The following EP300 variants were observed in gnomAD, a reference collection of about 807,000 sequenced individuals.
The protein encoded by EP300 is EP300 lysine acetyltransferase, also known as histone acetyltransferase p300.
Under a neutral mutation model 264.0 loss-of-function variants are expected in EP300, and 31 were observed. That is an observed-to-expected ratio of 0.12 (90% CI 0.09 to 0.16). The LOEUF (loss-of-function observed/expected upper bound fraction) is 0.16. Ranked by LOEUF, EP300 falls within the 10% of genes least tolerant of loss-of-function variation. EP300 has a pLI of 1.00. For missense variants in EP300, 2,766 were observed against 3,052.9 expected (o/e 0.91, Z 2.21); for synonymous variants, 1,340 against 1,045.4 (o/e 1.28, Z -5.44).
chr22:41,142,754 C>T (rs533181998), intron 10 of EP300, among the ~76,000 whole-genome samples: 1 of 152,062 alleles, frequency 6.6e-6, no homozygotes, highest in African/African-American at 2.4e-5. Context: ...GGCATGGTGG[C>T]GGGCACCTGT....
Position 41,178,225 on chromosome 22 carries a change from C to T in EP300, c.6514C>T (p.His2172Tyr). 1 of 1,614,068 alleles carries T rather than the reference C, an allele frequency of 6.2e-7. No homozygotes were observed. Among genetic ancestry groups the T allele is most frequent in the South Asian group, 1.1e-5 (1 of 91,078 alleles). ...SPQAQQMNMN[H>Y]NTMPSQFRDI... is the part of the protein sequence containing the mutation. Reference sequence around the variant, plus strand: ...CCAGGCTCAGCAGATGAACATGAACCACAACACCATGCCTTCACAATTCCG... The same window carrying T: ...CCAGGCTCAGCAGATGAACATGAACTACAACACCATGCCTTCACAATTCCG... The change falls in exon 31 of 31, where the codon CAC (histidine) becomes TAC (tyrosine). Residue 2172 changes from histidine (H) to tyrosine (Y), a missense_variant. Coordinates refer to ENST00000263253, the MANE Select transcript of EP300 (RefSeq NM_001429.4).
chr22:41,143,683 C>A (rs186416659), intron 10 of EP300, among the ~76,000 whole-genome samples: 3 of 152,040 alleles, frequency 2.0e-5, no homozygotes, highest in South Asian at 2.1e-4. Context: ...TCAGTTGATT[C>A]TTGTACCTCA....
chr22:41,163,588 A>T (rs898782794), intron 21 of EP300, among the ~76,000 whole-genome samples: 2 of 151,266 alleles, frequency 1.3e-5, no homozygotes, highest in African/African-American at 4.9e-5. Flanking sequence ...CTCTACTACA[A>T]ATATATAAAT....
At chr22:41,142,007 A>C (rs2058985422) in intron 10 of EP300, among the ~76,000 whole-genome samples, 1 of 152,174 alleles carries the variant, frequency 6.6e-6, no homozygotes, top group Non-Finnish European at 1.5e-5. Context: ...ACATTTTGAC[A>C]GCTTCAGTTT....
At chr22:41,118,857 G>A (rs1267168512) in intron 2 of EP300, among the ~76,000 whole-genome samples, 1 of 151,684 alleles carries the variant, frequency 6.6e-6, no homozygotes, top group Non-Finnish European at 1.5e-5. Flanking sequence ...GAAGACAGAT[G>A]GACAAACTTG....
intron 2 of EP300, among the ~76,000 whole-genome samples, chr22:41,118,590 C>T (rs1213483947): frequency 2.0e-5 from 3 of 152,158 alleles, no homozygotes; most frequent in African/African-American, 4.8e-5. Context: ...GAGATAGGTA[C>T]GATTTTCACA....
At position 41,176,107 on chromosome 22, in the gene EP300, C is replaced by T. The variant is rs867616568; in HGVS notation, c.4780-140C>T. 5.3e-6 allele frequency: 5 copies of T among 935,088 alleles called. No individual in the cohort carries two copies. The Middle Eastern group carries it at 1.6e-3, about 296-fold the overall frequency. 57.9% of individuals were successfully genotyped at this position (935,088 alleles called of 1,614,324 possible). ...TGGTGGTGTGGGCCTGTGGTCTCAG[C>T]TATTCAGGAGGCCATGGTGGGATAA... On this transcript the variant is annotated intron_variant, in intron 29 of 30. Coordinates refer to ENST00000263253, the MANE Select transcript of EP300 (RefSeq NM_001429.4).
intron 1 of EP300, among the ~76,000 whole-genome samples, chr22:41,105,008 C>A (rs1281435045): frequency 2.0e-5 from 3 of 151,720 alleles, no homozygotes; most frequent in Admixed American, 1.3e-4. Flanking sequence ...ACTAAAAATA[C>A]AAAAAAATTA....
chr22:41,103,700 G>A (rs1322262058), intron 1 of EP300, among the ~76,000 whole-genome samples: 1 of 152,136 alleles, frequency 6.6e-6, no homozygotes, highest in Non-Finnish European at 1.5e-5. Context: ...GATGGGAAAG[G>A]ATGTTGGGGT....
intron 30 of EP300, 91 bp downstream of exon 30, chr22:41,176,619 A>G (rs2059202094): frequency 6.2e-7 from 1 of 1,607,254 alleles, no homozygotes. Flanking sequence ...GGCCTGTGGG[A>G]TGCTAGGGGC....
intron 10 of EP300, 97 bp from the exon 11 acceptor site, chr22:41,146,642 T>C: frequency 2.0e-6 from 2 of 988,376 alleles, no homozygotes; most frequent in Non-Finnish European, 3.2e-6. Context: ...TTCAAAGGTA[T>C]TATTAAAAAT....
rs2058830848 is a variant in EP300, at chr22:41,117,931, G to C, written c.729+110G>C. Reference sequence around the variant, plus strand: ...AGCAGTTTCCACTATTACACGCCAGGAATTTACTGTGCTGTCATAAGTTTT... The same window carrying C: ...AGCAGTTTCCACTATTACACGCCAGCAATTTACTGTGCTGTCATAAGTTTT... On this transcript the variant is annotated intron_variant, in intron 2 of 30. Coordinates refer to ENST00000263253, the MANE Select transcript of EP300 (RefSeq NM_001429.4). The C allele has an allele frequency of 2.6e-6, 4 of 1,535,974 alleles. No homozygotes were observed. In the South Asian group the frequency reaches 4.7e-5, roughly 18 times the overall value.
At position 41,128,280 on chromosome 22, in the gene EP300, C is replaced by T. The variant is rs953578118; in HGVS notation, c.1168+532C>T. On this transcript the variant is annotated intron_variant, in intron 4 of 30. Transcript: ENST00000263253. Reference sequence around the variant, plus strand: ...GACCAGCCTGGGCAATATGGTGAAACCTCGTCTCTACAAAAAAATACTAAA... The same window carrying T: ...GACCAGCCTGGGCAATATGGTGAAATCTCGTCTCTACAAAAAAATACTAAA... Among the ~76,000 whole-genome samples, 4 of 152,132 alleles carry T rather than the reference C, an allele frequency of 2.6e-5. 1 individual carries two copies. The highest frequency in any genetic ancestry group is 6.5e-5 in the Admixed American group (1 of 15,270).
At chr22:41,171,677 A>G (rs955145173) in intron 27 of EP300, among the ~76,000 whole-genome samples, 1 of 150,150 alleles carries the variant, frequency 6.7e-6, no homozygotes, top group African/African-American at 2.5e-5. Flanking sequence ...ACGGAGTTTC[A>G]GGCTGGAGTG....
chr22:41,106,495 G>A (rs1408130964), intron 1 of EP300, among the ~76,000 whole-genome samples: 1 of 152,104 alleles, frequency 6.6e-6, no homozygotes, highest in Non-Finnish European at 1.5e-5. Context: ...TTGCTGAACT[G>A]GCTGAGCTTT....
Position 41,177,902 on chromosome 22 carries a change from C to G in EP300, c.6191C>G (p.Pro2064Arg). The change falls in exon 31 of 31, where the codon CCC (proline) becomes CGC (arginine). Residue 2064 changes from proline (P) to arginine (R), a missense_variant. Pro to Arg is a moderately radical substitution (Grantham distance 103). Coordinates refer to ENST00000263253, the MANE Select transcript of EP300 (RefSeq NM_001429.4). Reference protein sequence around the residue: ...LLRTLRSPSSPLQQQQVLSIL... With the variant: ...LLRTLRSPSSRLQQQQVLSIL... ...CGGACTCTCAGGTCTCCCAGCTCTC[C>G]CCTGCAGCAGCAACAGGTGCTTAGT... is the stretch of plus-strand genomic sequence containing the variant. The G allele has an allele frequency of 6.2e-7, 1 of 1,614,204 alleles. No individual in the cohort carries two copies.
chr22:41,173,763 C>T lies in EP300; in HGVS notation c.4758C>T (p.Ala1586=), dbSNP rs1350261174. 3.1e-6 allele frequency: 5 copies of T among 1,614,000 alleles called. No homozygotes were observed. The Admixed American group carries it at 5.0e-5, about 16-fold the overall frequency. ...ACGACCTCTCACAGAAACTATATGC[C>T]ACCATGGAGAAGCATAAAGAGGTAA... ...VSNDLSQKLY[A]TMEKHKEVFF... The change falls in exon 29 of 31, where the codon GCC becomes GCT. Residue 1586 remains alanine (A), a synonymous_variant. Transcript: ENST00000263253.
intron 8 of EP300, among the ~76,000 whole-genome samples, chr22:41,139,224 G>A (rs1461263911): frequency 6.6e-6 from 1 of 152,212 alleles, no homozygotes; most frequent in Non-Finnish European, 1.5e-5. Context: ...AAAGGGCTGG[G>A]ATTATAGGCG....
Position 41,150,144 on chromosome 22 carries a change from AGCGTCT to A in EP300, c.2765_2770del (p.Ala922_Ser923del), listed in dbSNP as rs775841321. On this transcript the variant is annotated inframe_deletion, in exon 14 of 31. Coordinates refer to ENST00000263253, the MANE Select transcript of EP300 (RefSeq NM_001429.4). Reference sequence around the variant, plus strand: ...AGCCTCGCTCACAGCAGAGCACAGCAGCGTCTGTTCCTACCCCAACAGCACCGCTGC... The same window carrying A: ...AGCCTCGCTCACAGCAGAGCACAGCAGTTCCTACCCCAACAGCACCGCTGC... The A allele has an allele frequency of 1.2e-6, 2 of 1,612,302 alleles. No homozygotes were observed. Among genetic ancestry groups the A allele is most frequent in the Non-Finnish European group, 1.7e-6 (2 of 1,179,942 alleles).
Sources: allele counts gnomAD v4.1 joint callset (sites outside exome capture counted in the v4.1 genomes callset), GRCh38; gene constraint gnomAD v4.1.1; transcripts MANE v1.5; gene names NCBI Gene and HGNC (gene_info 2026-07-23, HGNC 2026-07-21).